The following TMEM87A variants were observed in gnomAD, a reference collection of about 807,000 sequenced individuals.
TMEM87A encodes the protein transmembrane protein 87A.
A neutral mutation model predicts 90.0 loss-of-function variants in TMEM87A; 50 were observed. The ratio of observed to expected loss-of-function variants is 0.56; its 90% CI spans 0.44 to 0.70. The LOEUF is 0.70. Ranked by LOEUF, TMEM87A falls within the 30% of genes least tolerant of loss-of-function variation. The pLI is 0.00. For synonymous variants in TMEM87A, 226 were observed against 226.7 expected (o/e 1.00, Z 0.03); for missense variants, 577 against 660.5 (o/e 0.87, Z 1.39).
intron 6 of TMEM87A, among the ~76,000 whole-genome samples, chr15:42,249,825 C>G (rs2051050539): frequency 6.6e-6 from 1 of 152,176 alleles, no homozygotes; most frequent in African/African-American, 2.4e-5. Flanking sequence ...TCCTGGATAT[C>G]CTTGTTAACC....
chr15:42,220,850 G>C (rs935189193), intron 15 of TMEM87A, among the ~76,000 whole-genome samples: 1 of 152,042 alleles, frequency 6.6e-6, no homozygotes, highest in African/African-American at 2.4e-5. Flanking sequence ...GGAGTGCAGT[G>C]GCATGATCTC....
chr15:42,264,104 G>C lies in TMEM87A; in HGVS notation c.391C>G (p.Leu131Val), dbSNP rs2051350324. 6.2e-7 allele frequency: 1 copy of C among 1,612,216 alleles called. No homozygotes were observed. Among genetic ancestry groups the C allele is most frequent in the African/African-American group, 1.3e-5 (1 of 74,982 alleles). The change falls in exon 4 of 20, where the codon CTC (leucine) becomes GTC (valine). Residue 131 changes from leucine to valine, a missense_variant. Physicochemically the swap from Leu to Val is conservative, Grantham distance 32 (BLOSUM62 1). Coordinates refer to ENST00000389834, the MANE Select transcript of TMEM87A (RefSeq NM_015497.5). The stretch of plus-strand genomic sequence containing the variant: ...TCAAAGATTACCTGTGTTTTAAAGA[G>C]TTCACTGCAGTTCTGGAACAATTTT... ...SSKLFQNCSE[L>V]FKTQTFSGDF...
rs778449420 is a variant in TMEM87A, at chr15:42,228,819, A to G, written c.1133T>C (p.Ile378Thr). 3 of 1,573,594 alleles carry G rather than the reference A, an allele frequency of 1.9e-6. No individual in the cohort carries two copies. The highest frequency in any genetic ancestry group is 2.4e-5 in the South Asian group (2 of 83,202). ...AFLDTALCWW[I>T]FISLTQTMKL... ...CATTGTTTGAGTCAGGCTAATAAATATGTGTTTGCAGGTCAAGGAATTCAA... is the reference window on the plus strand; with the variant it reads ...CATTGTTTGAGTCAGGCTAATAAATGTGTGTTTGCAGGTCAAGGAATTCAA... Residue 378 changes from isoleucine to threonine, a missense_variant and splice_region_variant, in exon 13 of 20, where the codon ATA (isoleucine) becomes ACA (threonine). Transcript: ENST00000389834.
intron 6 of TMEM87A, among the ~76,000 whole-genome samples, chr15:42,252,884 G>T (rs1223837439): frequency 1.3e-5 from 2 of 152,116 alleles, no homozygotes; most frequent in African/African-American, 4.8e-5. Context: ...AAAACTGAAT[G>T]TTATAAAGTG....
intron 7 of TMEM87A, 97 bp downstream of exon 7, chr15:42,243,953 T>A: frequency 1.6e-6 from 1 of 642,020 alleles, no homozygotes; most frequent in Non-Finnish European, 2.5e-6. Flanking sequence ...GAAATAGAAA[T>A]CTGATACCTG....
chr15:42,234,392 G>T (rs763812077), intron 10 of TMEM87A, among the ~76,000 whole-genome samples: 1 of 152,074 alleles, frequency 6.6e-6, no homozygotes, highest in Non-Finnish European at 1.5e-5. Context: ...ACCAATATTT[G>T]TTCTTATATT....
At chr15:42,240,557 T>C (rs939334793) in intron 7 of TMEM87A, among the ~76,000 whole-genome samples, 8 of 152,248 alleles carry the variant, frequency 5.3e-5, no homozygotes, top group African/African-American at 1.9e-4. Flanking sequence ...GAAAGACATA[T>C]TTGCCTTAGT....
chr15:42,234,189 A>G (rs1240961673), intron 10 of TMEM87A, among the ~76,000 whole-genome samples: 5 of 152,224 alleles, frequency 3.3e-5, no homozygotes, highest in Non-Finnish European at 7.3e-5. Context: ...ATTAAATAGT[A>G]TATTTGCAAG....
intron 10 of TMEM87A, 45 bp from the exon 11 acceptor site, chr15:42,233,351 G>A (rs1437667439): frequency 1.4e-6 from 2 of 1,430,624 alleles, no homozygotes; most frequent in Middle Eastern, 1.8e-4. Flanking sequence ...TGGGACAAAT[G>A]CCGAAACAAG....
In TMEM87A at chr15:42,213,820, C is replaced by T. The variant is rs565400933; in HGVS notation, c.1627-2071G>A. ...TTTTTCTAATGCAATGAAACCAACA[C>T]AAAGAATTAAGGAAAATAGAGAATC... On this transcript the variant is annotated intron_variant, in intron 19 of 19. Coordinates refer to ENST00000389834, the MANE Select transcript of TMEM87A (RefSeq NM_015497.5). 9.2e-5 allele frequency among the ~76,000 whole-genome samples: 14 copies of T among 151,572 alleles called. No individual in the cohort carries two copies. In the South Asian group the frequency reaches 2.3e-3, roughly 25 times the overall value.
chr15:42,268,744 G>A (rs1463573519), intron 2 of TMEM87A, among the ~76,000 whole-genome samples: 2 of 152,188 alleles, frequency 1.3e-5, no homozygotes, highest in Non-Finnish European at 2.9e-5. Context: ...TTAGGCTAAA[G>A]AGGGAAACGA....
At chr15:42,216,961 CT>C (rs200586475) in intron 19 of TMEM87A, among the ~76,000 whole-genome samples, 18,799 of 138,252 alleles carry the variant, frequency 0.14, 1,281 homozygotes, top group African/African-American at 0.24. Flanking sequence ...TTTTTCTTTT[CT>C]TTTTTTTTTT....
In TMEM87A at chr15:42,227,848, G is replaced by C. The variant is rs80278196; in HGVS notation, c.1241-79C>G. The C allele has an allele frequency of 6.2e-4, 821 of 1,326,196 alleles. 8 individuals carry two copies. In the African/African-American group the frequency reaches 0.011, roughly 17 times the overall value. 82.2% of individuals were successfully genotyped at this position (1,326,196 alleles called of 1,614,324 possible). On this transcript the variant is annotated intron_variant, in intron 13 of 19. Coordinates refer to ENST00000389834, the MANE Select transcript of TMEM87A (RefSeq NM_015497.5). ...ATTACATTCCCCCATTTCCGGTTAA[G>C]TGGAATCCCACACACCCCGAACCCC...
chr15:42,257,242 C>T (rs2051201066), intron 6 of TMEM87A, among the ~76,000 whole-genome samples: 1 of 151,974 alleles, frequency 6.6e-6, no homozygotes, highest in Non-Finnish European at 1.5e-5. Context: ...GGAGCCAATC[C>T]CTAATGAATG....
chr15:42,257,670 T>C (rs1273818366), intron 6 of TMEM87A, among the ~76,000 whole-genome samples: 3 of 152,204 alleles, frequency 2.0e-5, no homozygotes, highest in Non-Finnish European at 4.4e-5. Context: ...CTAAAGATTA[T>C]AAATGTACAC....
chr15:42,222,703 C>T (rs750015958), intron 15 of TMEM87A, among the ~76,000 whole-genome samples: 7 of 151,916 alleles, frequency 4.6e-5, no homozygotes, highest in Non-Finnish European at 8.8e-5. Context: ...GGATGACAGG[C>T]GCCTGCCACC....
At chr15:42,249,746 TCTG>T (rs999350161) in intron 6 of TMEM87A, among the ~76,000 whole-genome samples, 32 of 152,340 alleles carry the variant, frequency 2.1e-4, no homozygotes, top group African/African-American at 7.5e-4. Flanking sequence ...GAATGTACAA[TCTG>T]CTGATTTGGG....
intron 6 of TMEM87A, among the ~76,000 whole-genome samples, chr15:42,245,482 T>C (rs554511700): frequency 6.6e-6 from 1 of 152,096 alleles, no homozygotes; most frequent in African/African-American, 2.4e-5. Flanking sequence ...ATAACATTTA[T>C]ATGCCAGATA....
chr15:42,228,618 A>G, intron 13 of TMEM87A, 94 bp downstream of exon 13: 2 of 1,033,700 alleles, frequency 1.9e-6, no homozygotes, highest in Non-Finnish European at 3.0e-6. Context: ...TGAAATATAC[A>G]AAACTTTCTA....
Sources: gnomAD v4.1 joint callset for allele counts (sites outside exome capture counted in the v4.1 genomes callset) on GRCh38, gnomAD v4.1.1 for gene constraint, MANE v1.5 for transcripts, NCBI Gene and HGNC (gene_info 2026-07-23, HGNC 2026-07-21) for gene names.